Variants in AFF1 observed in about 807,000 individuals in gnomAD.
AFF1 encodes ALF transcription elongation factor 1.
A neutral mutation model predicts 121.7 loss-of-function variants in AFF1; 48 were observed. The observed-to-expected ratio is 0.39, with a 90% CI of 0.31 to 0.50. The LOEUF (loss-of-function observed/expected upper bound fraction) is 0.50, where lower values mean the gene tolerates loss of function less well. Ranked by LOEUF, AFF1 falls within the 20% of genes least tolerant of loss-of-function variation. The probability of loss-of-function intolerance (pLI) is 0.76; values close to 1 mark genes in which losing one functional copy is unlikely to be tolerated. For missense variants in AFF1, 1,523 were observed against 1,511.7 expected, an observed-to-expected ratio of 1.01 and a Z score of -0.12; for synonymous variants, 613 against 563.0, an observed-to-expected ratio of 1.09 and a Z score of -1.26.
At chr4:86,980,603 T>C (rs1211772152) in intron 2 of AFF1, among the ~76,000 whole-genome samples, 1 of 152,204 alleles carries the variant, frequency 6.6e-6, no homozygotes, top group African/African-American at 2.4e-5. Flanking sequence ...AGAGATATTA[T>C]TTTTTAAAGT....
chr4:87,030,521 C>T (rs762101770), intron 2 of AFF1, among the ~76,000 whole-genome samples: 5 of 152,130 alleles, frequency 3.3e-5, no homozygotes, highest in Admixed American at 6.5e-5. Flanking sequence ...CCCCCTTTGC[C>T]GCTGGCAGTC....
At chr4:86,942,452 T>G (rs916190437) in intron 1 of AFF1, among the ~76,000 whole-genome samples, 39 of 152,336 alleles carry the variant, frequency 2.6e-4, no homozygotes, top group African/African-American at 7.9e-4. Context: ...TAGTAAGTAC[T>G]ATGAAAAAAT....
rs1729457671 is a variant in AFF1, at chr4:87,138,291, A to G, written c.*2590A>G. 1.7e-5 allele frequency: 4 copies of G among 232,510 alleles called. No homozygotes were observed. The South Asian group carries it at 5.4e-4, about 32-fold the overall frequency. The allele number at this position is 232,510 out of a possible 1,614,324, so 14.4% of individuals were successfully genotyped here. ...CTGAAGGATTTTTAAAATGATTTGC[A>G]CTTTTTCACTGCATGCTTACAATTC... On this transcript the variant is annotated 3_prime_UTR_variant, in exon 21 of 21. Transcript: ENST00000395146.
At chr4:87,011,740 A>G (rs1042350578) in intron 2 of AFF1, among the ~76,000 whole-genome samples, 6 of 152,220 alleles carry the variant, frequency 3.9e-5, no homozygotes, top group Non-Finnish European at 7.3e-5. Flanking sequence ...AGGTCTCTTA[A>G]GTGATTTCTT....
Position 87,137,895 on chromosome 4 carries a change from A to T in AFF1, c.*2194A>T, listed in dbSNP as rs968535666. 3 of 231,866 alleles carry T rather than the reference A, an allele frequency of 1.3e-5. No homozygotes were observed. In the East Asian group the frequency reaches 1.8e-4, roughly 14 times the overall value. The allele number at this position is 231,866 out of a possible 1,614,324, so 14.4% of individuals were successfully genotyped here. On this transcript the variant is annotated 3_prime_UTR_variant, in exon 21 of 21. Transcript: ENST00000395146. ...GGTTGTGTTCTTTATGGCAGGTTCTATGCAGATTGTGCCAGAGCATGTGCG... is the reference window on the plus strand; with the variant it reads ...GGTTGTGTTCTTTATGGCAGGTTCTTTGCAGATTGTGCCAGAGCATGTGCG...
At chr4:86,990,967 C>T (rs1467625379) in intron 2 of AFF1, among the ~76,000 whole-genome samples, 2 of 151,132 alleles carry the variant, frequency 1.3e-5, no homozygotes, top group Admixed American at 6.6e-5. Flanking sequence ...GCCTGGCCAA[C>T]GTAGTGAAAC....
chr4:87,112,530 T>C (rs1314980516), intron 11 of AFF1, among the ~76,000 whole-genome samples: 1 of 152,256 alleles, frequency 6.6e-6, no homozygotes, highest in African/African-American at 2.4e-5. Flanking sequence ...TTAGTCACAC[T>C]AAACCCAAAC....
At chr4:86,944,255 C>A (rs1182641963) in intron 1 of AFF1, among the ~76,000 whole-genome samples, 1 of 151,894 alleles carries the variant, frequency 6.6e-6, no homozygotes, top group Non-Finnish European at 1.5e-5. Flanking sequence ...GAATGTTTAC[C>A]ATGAGCCAGT....
chr4:86,978,197 T>TTTTTG (rs1723458969), intron 2 of AFF1, among the ~76,000 whole-genome samples: 1 of 129,480 alleles, frequency 7.7e-6, no homozygotes, highest in African/African-American at 2.8e-5. Flanking sequence ...TTTTTTTTTT[T>TTTTTG]TTTTGAGATG....
rs192669395 is a variant in AFF1, at chr4:87,140,554, G to A, written c.*4853G>A. 224 of 178,834 alleles carry A rather than the reference G, an allele frequency of 1.3e-3. 1 individual carries two copies. The highest frequency in any genetic ancestry group is 4.9e-3 in the African/African-American group (207 of 42,242). 11.1% of individuals were successfully genotyped at this position (178,834 alleles called of 1,614,324 possible). The stretch of plus-strand genomic sequence containing the variant: ...GTCAAATCTTGGTATTATTAAAATT[G>A]TTTTAAAAAGGAGTAAATTTTCCAG... On this transcript the variant is annotated 3_prime_UTR_variant, in exon 21 of 21. Coordinates refer to ENST00000395146, the MANE Select transcript of AFF1 (RefSeq NM_001166693.3).
rs533961194 is a variant in AFF1, at chr4:87,140,078, T to C, written c.*4377T>C. On this transcript the variant is annotated 3_prime_UTR_variant, in exon 21 of 21. Transcript: ENST00000395146. The stretch of plus-strand genomic sequence containing the variant: ...ACCTAAGAGGGCAGGAGGGAAACCC[T>C]ACAGCTCCTTGTGAGCCTATATATT... 55 of 204,860 alleles carry C rather than the reference T, an allele frequency of 2.7e-4. No individual in the cohort carries two copies. The South Asian group carries it at 0.01, about 38-fold the overall frequency. The allele number at this position is 204,860 out of a possible 1,614,324, so 12.7% of individuals were successfully genotyped here.
chr4:86,952,687 CTTT>C (rs35008076), intron 2 of AFF1, among the ~76,000 whole-genome samples: 3 of 122,998 alleles, frequency 2.4e-5, no homozygotes, highest in South Asian at 2.5e-4. Flanking sequence ...AAAAACACAA[CTTT>C]TTTTTTTTTT....
chr4:87,027,538 A>G (rs777478845), intron 2 of AFF1, among the ~76,000 whole-genome samples: 1 of 152,204 alleles, frequency 6.6e-6, no homozygotes, highest in Non-Finnish European at 1.5e-5. Flanking sequence ...CCTAGAGGAG[A>G]GAGGAGAGTC....
At position 87,046,953 on chromosome 4, in the gene AFF1, C is replaced by A; in HGVS notation, c.418C>A (p.Pro140Thr). Residue 140 changes from proline to threonine, a missense_variant, in exon 4 of 21, where the codon CCA becomes ACA. Around this residue, in one of 5 missense-constraint regions of AFF1, gnomAD observed 369 missense variants for 367.2 expected, o/e 1.00. Coordinates refer to ENST00000395146, the MANE Select transcript of AFF1 (RefSeq NM_001166693.3). ...PLSVGNISHN[P>T]KMAQPRTEPM... is the part of the protein sequence containing the mutation. ...TTCTGTTGGCAACATTAGCCACAAT[C>A]CAAAGATGGCGCAGCCAAGAACTGA... 1.2e-6 allele frequency: 2 copies of A among 1,614,248 alleles called. No individual in the cohort carries two copies. Among genetic ancestry groups the A allele is most frequent in the Non-Finnish European group, 1.7e-6 (2 of 1,180,052 alleles).
intron 4 of AFF1, among the ~76,000 whole-genome samples, chr4:87,071,724 A>G (rs1462750368): frequency 6.6e-6 from 1 of 152,164 alleles, no homozygotes; most frequent in Non-Finnish European, 1.5e-5. Flanking sequence ...GGCAATTTCC[A>G]AAGGGAGTTG....
chr4:87,010,408 AGT>A (rs1189569037), intron 2 of AFF1, among the ~76,000 whole-genome samples: 1 of 152,186 alleles, frequency 6.6e-6, no homozygotes, highest in Non-Finnish European at 1.5e-5. Flanking sequence ...CTCTCAGATA[AGT>A]GTGTGCTTTC....
rs141720905 is a variant in AFF1, at chr4:87,108,224, C to T, written c.1442C>T (p.Thr481Ile). 5.0e-5 allele frequency: 80 copies of T among 1,614,016 alleles called. No individual in the cohort carries two copies. The highest frequency in any genetic ancestry group is 6.6e-5 in the Non-Finnish European group (78 of 1,180,020). The change falls in exon 11 of 21, where the codon ACC (threonine) becomes ATC (isoleucine). Residue 481 changes from threonine (T) to isoleucine (I), a missense_variant. Physicochemically the swap from Thr to Ile is moderately conservative, Grantham distance 89. Transcript: ENST00000395146. ...TCCAGCAGTGCAGAGTCAGAAAGCA[C>T]CAGTGACTCAGACAGTTCCTCAGAC... ...AHSSSAESES[T>I]SDSDSSSDSE... is the part of the protein sequence containing the mutation.
At chr4:87,006,900 T>A (rs887768130) in intron 2 of AFF1, 1 of 961,188 alleles carries the variant, frequency 1.0e-6, no homozygotes, top group African/African-American at 1.8e-5. Flanking sequence ...CCGAGCGCCC[T>A]GCCCATTTAA....
In AFF1 at chr4:87,131,080, C is replaced by T. The variant is rs1352459789; in HGVS notation, c.2965-3C>T. 1.2e-6 allele frequency: 2 copies of T among 1,613,792 alleles called. No homozygotes were observed. Among genetic ancestry groups the T allele is most frequent in the East Asian group, 4.5e-5 (2 of 44,878 alleles). On this transcript the variant is annotated splice_region_variant and splice_polypyrimidine_tract_variant and intron_variant, in intron 16 of 20. Transcript: ENST00000395146. ...TAACAATGACCATGTTCTTCTCCTGCAGACGGACAGGGTTGGAAAGGCTTT... is the reference window on the plus strand; with the variant it reads ...TAACAATGACCATGTTCTTCTCCTGTAGACGGACAGGGTTGGAAAGGCTTT...
Sources: gnomAD v4.1 joint callset for allele counts (sites outside exome capture counted in the v4.1 genomes callset) on GRCh38, gnomAD v4.1.1 for gene constraint, gnomAD v4.1.1 regional missense constraint, MANE v1.5 for transcripts, NCBI Gene and HGNC (gene_info 2026-07-23, HGNC 2026-07-21) for gene names.